The following PCDHGA4 variants were observed in gnomAD, a reference collection of about 807,000 sequenced individuals.
PCDHGA4 encodes the protein protocadherin gamma subfamily A, 4, also known as protocadherin gamma-A4.
Under a neutral mutation model 54.6 loss-of-function variants are expected in PCDHGA4, and 38 were observed. The observed-to-expected ratio is 0.70, with a 90% confidence interval of 0.54 to 0.91. The LOEUF is 0.91. Among genes scored for constraint, PCDHGA4 ranks in the 40% least tolerant of loss-of-function variants. The pLI, the probability that PCDHGA4 is intolerant of heterozygous loss-of-function variation, is 0.00. For missense variants in PCDHGA4, 1,298 were observed against 1,220.9 expected, an observed-to-expected ratio of 1.06 and a Z score of -0.94; for synonymous variants, 511 against 512.9, an observed-to-expected ratio of 1.00 and a Z score of 0.05.
intron 3 of PCDHGA4, among the ~76,000 whole-genome samples, chr5:141,509,211 C>T (rs962706371): frequency 2.0e-5 from 3 of 152,180 alleles, no homozygotes; most frequent in African/African-American, 4.8e-5. Context: ...CTCTCTATTT[C>T]TCAATCCCTG....
Position 141,355,831 on chromosome 5 carries a change from G to A in PCDHGA4, c.724G>A (p.Val242Ile), listed in dbSNP as rs1289271029. Residue 242 changes from valine to isoleucine, a missense_variant, in exon 1 of 4, where the codon GTT (valine) becomes ATT (isoleucine). By Grantham distance (29) the Val-to-Ile change is conservative. Coordinates refer to ENST00000571252, the MANE Select transcript of PCDHGA4 (RefSeq NM_018917.4). The part of the protein sequence containing the change: ...DREEEAVHHL[V>I]LTAFDGGDPV... ...CGAGGAAGAGGCGGTTCACCACCTC[G>A]TTCTCACGGCCTTCGATGGAGGTGA... 1 of 1,612,566 alleles carries A rather than the reference G, an allele frequency of 6.2e-7. No individual in the cohort carries two copies. The highest frequency in any genetic ancestry group is 1.3e-5 in the African/African-American group (1 of 75,008).
intron 1 of PCDHGA4, chr5:141,365,341 A>T: frequency 6.2e-7 from 1 of 1,613,960 alleles, no homozygotes; most frequent in African/African-American, 1.3e-5. Context: ...TGGTCACAGT[A>T]CAGGACGTGA....
At chr5:141,398,207 C>T (rs1368284039) in intron 1 of PCDHGA4, 3 of 1,488,636 alleles carry the variant, frequency 2.0e-6, no homozygotes, top group South Asian at 2.6e-5. Flanking sequence ...TTGTTCTGCC[C>T]GGCGCTCTGT....
chr5:141,410,104 C>T, intron 1 of PCDHGA4: 1 of 1,612,582 alleles, frequency 6.2e-7, no homozygotes, highest in African/African-American at 1.3e-5. Context: ...CCTTAGGCGA[C>T]AGGGACGCAG....
chr5:141,393,881 G>A (rs1003319572), intron 1 of PCDHGA4: 33 of 1,613,978 alleles, frequency 2.0e-5, no homozygotes, highest in Non-Finnish European at 2.8e-5. Context: ...TTAGCCCAGT[G>A]TTAGAAAATT....
intron 1 of PCDHGA4, chr5:141,383,931 T>G: frequency 6.2e-7 from 1 of 1,613,818 alleles, no homozygotes. Flanking sequence ...ATGATAATGC[T>G]CCAGAAGTGA....
At chr5:141,383,257 G>C in intron 1 of PCDHGA4, 1 of 1,613,922 alleles carries the variant, frequency 6.2e-7, no homozygotes, top group Non-Finnish European at 8.5e-7. Flanking sequence ...TTACCCTATA[G>C]ACGTGGAAAT....
intron 1 of PCDHGA4, chr5:141,399,174 T>G: frequency 1.2e-6 from 2 of 1,613,818 alleles, no homozygotes; most frequent in Non-Finnish European, 1.7e-6. Context: ...ATTCTCTACT[T>G]GAAATGATTC....
In PCDHGA4 at chr5:141,477,787, C is replaced by A; in HGVS notation, c.2515-17020C>A. The stretch of plus-strand genomic sequence containing the variant: ...CCAACATCAGCGTGAACATATTTGT[C>A]ACTGATCGCAATGACAATGCCCCCC... On this transcript the variant is annotated intron_variant, in intron 1 of 3. Transcript: ENST00000571252. The surrounding 1 kb of genome is among the most constrained non-coding windows in gnomAD (Gnocchi z 4.9). The A allele has an allele frequency of 6.2e-7, 1 of 1,614,092 alleles. No homozygotes were observed. The highest frequency in any genetic ancestry group is 8.5e-7 in the Non-Finnish European group (1 of 1,180,034).
At chr5:141,402,433 A>C (rs1331958085) in intron 1 of PCDHGA4, among the ~76,000 whole-genome samples, 1 of 152,146 alleles carries the variant, frequency 6.6e-6, no homozygotes, top group Non-Finnish European at 1.5e-5. Context: ...GAAGCATCAT[A>C]AAAAGGAAAT....
At chr5:141,462,786 T>G (rs1394476968) in intron 1 of PCDHGA4, among the ~76,000 whole-genome samples, 1 of 152,216 alleles carries the variant, frequency 6.6e-6, no homozygotes, top group Admixed American at 6.5e-5. Flanking sequence ...AATTTGTTGC[T>G]TATTTGCATG....
intron 1 of PCDHGA4, chr5:141,413,714 A>T: frequency 6.2e-7 from 1 of 1,613,586 alleles, no homozygotes; most frequent in Non-Finnish European, 8.5e-7. Flanking sequence ...AGCCCCAATA[A>T]GCACTTCTCC....
In PCDHGA4 at chr5:141,490,363, C is replaced by T. The variant is rs779932482; in HGVS notation, c.2515-4444C>T. 10 of 1,614,036 alleles carry T rather than the reference C, an allele frequency of 6.2e-6. No individual in the cohort carries two copies. The highest frequency in any genetic ancestry group is 1.3e-5 in the African/African-American group (1 of 74,904). The stretch of plus-strand genomic sequence containing the variant: ...CACAGTAGTGGGGTTGTTTAATGTG[C>T]GAGACCGGGACTCAGGTAGAAATGG... On this transcript the variant is annotated intron_variant, in intron 1 of 3. Coordinates refer to ENST00000571252, the MANE Select transcript of PCDHGA4 (RefSeq NM_018917.4). The surrounding 1 kb of genome is among the most constrained non-coding windows in gnomAD (Gnocchi z 5.4).
Position 141,486,638 on chromosome 5 carries a change from C to T in PCDHGA4, c.2515-8169C>T, listed in dbSNP as rs753730551. 5.6e-6 allele frequency: 9 copies of T among 1,613,700 alleles called. No homozygotes were observed. In the East Asian group the frequency reaches 8.9e-5, roughly 16 times the overall value. On this transcript the variant is annotated intron_variant, in intron 1 of 3. Coordinates refer to ENST00000571252, the MANE Select transcript of PCDHGA4 (RefSeq NM_018917.4). This position sits in a 1 kb window ranked among gnomAD's most constrained non-coding sequence, Gnocchi z 5.0. The stretch of plus-strand genomic sequence containing the variant: ...TGACCCAGACTCTGGCTTGAATGCG[C>T]TTATCTCCTACTCACTCCTGGAGCC...
intron 1 of PCDHGA4, among the ~76,000 whole-genome samples, chr5:141,488,635 C>T (rs1476156734): frequency 6.6e-6 from 1 of 152,152 alleles, no homozygotes; most frequent in Non-Finnish European, 1.5e-5. Flanking sequence ...ACCTTAGCAG[C>T]ATTCAGCAGG....
chr5:141,419,137 C>G, intron 1 of PCDHGA4: 2 of 1,613,892 alleles, frequency 1.2e-6, no homozygotes, highest in Non-Finnish European at 1.7e-6. Context: ...CAGCCACAGA[C>G]AGGGGCAAGC....
Position 141,505,441 on chromosome 5 carries a change from C to A in PCDHGA4, c.2622C>A (p.Asp874Glu), listed in dbSNP as rs2099846055. 6.2e-7 allele frequency: 1 copy of A among 1,614,084 alleles called. No individual in the cohort carries two copies. Among genetic ancestry groups the A allele is most frequent in the Non-Finnish European group, 8.5e-7 (1 of 1,180,024 alleles). Reference sequence around the variant, plus strand: ...GCACCTGGCCCAACAACCAGTTTGACACAGAGATGCTGCAAGCCATGATCT... The same window carrying A: ...GCACCTGGCCCAACAACCAGTTTGAAACAGAGATGCTGCAAGCCATGATCT... ...DTGTWPNNQFDTEMLQAMILA... is the reference protein window; with the variant it reads ...DTGTWPNNQFETEMLQAMILA... Residue 874 changes from aspartate to glutamate, a missense_variant, in exon 3 of 4, where the codon GAC becomes GAA. Transcript: ENST00000571252.
chr5:141,437,478 T>G (rs942305423), intron 1 of PCDHGA4, among the ~76,000 whole-genome samples: 2 of 152,210 alleles, frequency 1.3e-5, no homozygotes, highest in African/African-American at 2.4e-5. Flanking sequence ...TATAGCATAT[T>G]TAATCTCGTA....
At position 141,355,277 on chromosome 5, in the gene PCDHGA4, T is replaced by C; in HGVS notation, c.170T>C (p.Ile57Thr). 1 of 1,613,656 alleles carries C rather than the reference T, an allele frequency of 6.2e-7. No individual in the cohort carries two copies. Among genetic ancestry groups the C allele is most frequent in the Non-Finnish European group, 8.5e-7 (1 of 1,179,884 alleles). The change falls in exon 1 of 4, where the codon ATC (isoleucine) becomes ACC (threonine). Residue 57 changes from isoleucine (I) to threonine (T), a missense_variant. By Grantham distance (89) the Ile-to-Thr change is moderately conservative (BLOSUM62 -1). Coordinates refer to ENST00000571252, the MANE Select transcript of PCDHGA4 (RefSeq NM_018917.4). ...CTTCTCCTGGGGGTTCTGGTGGAAA[T>C]CAGGGCCGAACAGATTCTCTACTCG... ...ICLLLGVLVEIRAEQILYSVF... is the reference protein window; with the variant it reads ...ICLLLGVLVETRAEQILYSVF...
Sources: gnomAD v4.1 joint callset for allele counts (sites outside exome capture counted in the v4.1 genomes callset) on GRCh38, gnomAD v4.1.1 for gene constraint, Gnocchi (gnomAD v3.1) non-coding constraint, MANE v1.5 for transcripts, NCBI Gene and HGNC (gene_info 2026-07-23, HGNC 2026-07-21) for gene names.